PRKCQ: variants seen among roughly 807,000 people sequenced by gnomAD.
The protein encoded by PRKCQ is protein kinase C theta type.
PRKCQ carries 41 observed loss-of-function variants against 91.2 expected under a neutral mutation model. The observed-to-expected ratio is 0.45, with a 90% confidence interval of 0.35 to 0.58. The LOEUF is 0.58. PRKCQ is among the 20% of genes least tolerant of loss of function. The pLI is 0.00. For synonymous variants in PRKCQ, 307 were observed against 316.9 expected, an observed-to-expected ratio of 0.97 and a Z score of 0.33; for missense variants, 673 against 896.5, an observed-to-expected ratio of 0.75 and a Z score of 3.18.
chr10:6,555,333 A>T (rs1273652331), intron 1 of PRKCQ, among the ~76,000 whole-genome samples: 2 of 152,206 alleles, frequency 1.3e-5, no homozygotes, highest in Non-Finnish European at 2.9e-5. Context: ...TGTCACCCAT[A>T]ATAGACATTA....
At chr10:6,503,645 T>A (rs1438690981) in intron 4 of PRKCQ, among the ~76,000 whole-genome samples, 1 of 151,556 alleles carries the variant, frequency 6.6e-6, no homozygotes, top group African/African-American at 2.4e-5. Context: ...GAATTCCTTA[T>A]CCCCCAATCA....
chr10:6,457,422 C>T (rs1835067561), intron 14 of PRKCQ, among the ~76,000 whole-genome samples: 1 of 152,144 alleles, frequency 6.6e-6, no homozygotes, highest in Non-Finnish European at 1.5e-5. Context: ...AGGGGGCTTT[C>T]TATTGTTACC....
intron 15 of PRKCQ, among the ~76,000 whole-genome samples, chr10:6,448,836 C>G (rs1834476704): frequency 6.6e-6 from 1 of 152,026 alleles, no homozygotes; most frequent in South Asian, 2.1e-4. Context: ...CTGGAGTGGA[C>G]CTCTAGCAAA....
intron 16 of PRKCQ, 141 bp downstream of exon 16, chr10:6,441,752 C>T (rs1011535203): frequency 2.5e-6 from 2 of 809,846 alleles, no homozygotes; most frequent in Non-Finnish European, 3.7e-6. Context: ...TATTAAAACA[C>T]AGACGGTGCA....
At chr10:6,536,158 T>C (rs576180596) in intron 1 of PRKCQ, among the ~76,000 whole-genome samples, 55 of 152,188 alleles carry the variant, frequency 3.6e-4, no homozygotes, top group African/African-American at 1.2e-3. Context: ...GTGAGGGCAT[T>C]TGAAGGTCCG....
chr10:6,580,294 G>A (rs1319874566), upstream of PRKCQ: 8 of 56,054 alleles, frequency 1.4e-4, no homozygotes, highest in South Asian at 1.1e-3. Context: ...GACTGGCGGG[G>A]CTGGCGGGGC....
At chr10:6,434,663 T>C (rs1484168339) in intron 16 of PRKCQ, among the ~76,000 whole-genome samples, 2 of 152,232 alleles carry the variant, frequency 1.3e-5, no homozygotes, top group South Asian at 2.1e-4. Context: ...TGGGAAAAAA[T>C]AGCCAGGATG....
chr10:6,473,953 GTTA>G (rs143559011), intron 12 of PRKCQ, among the ~76,000 whole-genome samples: 2 of 152,058 alleles, frequency 1.3e-5, no homozygotes, highest in East Asian at 1.9e-4. Context: ...TGCTATTATT[GTTA>G]TTATTATTAT....
rs192940757 is a variant in PRKCQ at position 6,577,585 on chromosome 10, G to A, written c.-10+2626C>T. On this transcript the variant is annotated intron_variant, in intron 1 of 17. Coordinates refer to ENST00000263125, the MANE Select transcript of PRKCQ (RefSeq NM_006257.5). ...CACACGGAATCACGTCTATATTGCT[G>A]GGATTTTCATTATATAACAATATAT... 2.0e-5 allele frequency among the ~76,000 whole-genome samples: 3 copies of A among 152,106 alleles called. No homozygotes were observed. In the East Asian group the frequency reaches 5.8e-4, roughly 29 times the overall value.
intron 12 of PRKCQ, among the ~76,000 whole-genome samples, chr10:6,470,288 TC>T (rs141887334): frequency 0.1 from 15,680 of 152,124 alleles, 1,047 homozygotes; most frequent in Non-Finnish European, 0.13. Flanking sequence ...CTATCACCTT[TC>T]CCCCCTGCTC....
chr10:6,505,371 A>C (rs1025680013), intron 4 of PRKCQ, among the ~76,000 whole-genome samples: 1 of 152,092 alleles, frequency 6.6e-6, no homozygotes, highest in South Asian at 2.1e-4. Context: ...TTTACCAAAA[A>C]TACTTGCATT....
At chr10:6,435,456 C>T (rs1833655276) in intron 16 of PRKCQ, among the ~76,000 whole-genome samples, 1 of 152,208 alleles carries the variant, frequency 6.6e-6, no homozygotes, top group South Asian at 2.1e-4. Flanking sequence ...AGAGATAAAG[C>T]TGCAAGCCAG....
intron 11 of PRKCQ, 53 bp downstream of exon 11, chr10:6,483,386 TG>T: frequency 6.2e-7 from 1 of 1,602,524 alleles, no homozygotes; most frequent in Non-Finnish European, 8.5e-7. Context: ...ACCAGGAACT[TG>T]GCTCATCAGT....
At chr10:6,544,333 G>A (rs1023023617) in intron 1 of PRKCQ, among the ~76,000 whole-genome samples, 2 of 152,168 alleles carry the variant, frequency 1.3e-5, no homozygotes, top group Non-Finnish European at 2.9e-5. Context: ...TCATCGGGGA[G>A]ATTTGTCTGT....
chr10:6,577,336 ATC>A (rs1841280236), intron 1 of PRKCQ, among the ~76,000 whole-genome samples: 1 of 152,316 alleles, frequency 6.6e-6, no homozygotes, highest in East Asian at 1.9e-4. Flanking sequence ...CTTTTAATCC[ATC>A]TCTCTGGTTC....
rs754399173 is a variant in PRKCQ, at chr10:6,507,394, T to C, written c.379+42A>G. ...TAAGCTGCATTTGAGGAGAAGGCCA[T>C]GCCCTCCTCACCCCCAAACAGGAAG... On this transcript the variant is annotated intron_variant, in intron 4 of 17. Transcript: ENST00000263125. 1.9e-6 allele frequency: 3 copies of C among 1,547,242 alleles called. No homozygotes were observed. The Admixed American group carries it at 5.0e-5, about 26-fold the overall frequency.
chr10:6,456,455 C>T (rs1428497402), intron 15 of PRKCQ, among the ~76,000 whole-genome samples: 1 of 152,182 alleles, frequency 6.6e-6, no homozygotes, highest in Non-Finnish European at 1.5e-5. Context: ...AAATGCCAAA[C>T]TCTGCAAGCC....
At chr10:6,466,541 CA>C (rs1440378413) in intron 12 of PRKCQ, among the ~76,000 whole-genome samples, 11 of 152,170 alleles carry the variant, frequency 7.2e-5, no homozygotes, top group African/African-American at 2.7e-4. Flanking sequence ...ATAAATCTGT[CA>C]AATATCTGTT....
the PRKCQ span, among the ~76,000 whole-genome samples, chr10:6,412,140 C>T: frequency 8.5e-5 from 13 of 152,108 alleles, no homozygotes; most frequent in African/African-American, 1.2e-4. Flanking sequence ...TCAAGCTCCT[C>T]GACTCAAGAG....
Sources: allele counts gnomAD v4.1 joint callset (sites outside exome capture counted in the v4.1 genomes callset), GRCh38; gene constraint gnomAD v4.1.1; transcripts MANE v1.5; gene names NCBI Gene and HGNC (gene_info 2026-07-23, HGNC 2026-07-21).